Variants in ADPRH observed in about 807,000 individuals in gnomAD.
The protein encoded by ADPRH is ADP-ribose-L-arginine cleaving enzyme.
ADPRH carries 27 observed loss-of-function variants against 28.8 expected under a neutral mutation model. The ratio of observed to expected loss-of-function variants is 0.94; its 90% confidence interval spans 0.69 to 1.29. The LOEUF (loss-of-function observed/expected upper bound fraction) is 1.29. ADPRH is among the 50% of genes most tolerant of loss of function. ADPRH has a pLI of 0.00. For synonymous variants in ADPRH, 161 were observed against 166.9 expected (o/e 0.96, Z 0.27); for missense variants, 419 against 444.8 (o/e 0.94, Z 0.52).
chr3:119,583,754 A>T (rs1046199656), intron 3 of ADPRH, among the ~76,000 whole-genome samples: 8 of 151,880 alleles, frequency 5.3e-5, no homozygotes, highest in Non-Finnish European at 8.8e-5. Context: ...TTTAAAAAAA[A>T]TTTTTTTGAG....
Position 119,587,521 on chromosome 3 carries a change from A to C in ADPRH, c.717A>C (p.Gly239=), listed in dbSNP as rs570885201. ...TAAAACTTAGAGGGATTTTGGATGGAGAATCAGCCCCTACCTTCCCTGAGT... is the reference window on the plus strand; with the variant it reads ...TAAAACTTAGAGGGATTTTGGATGGCGAATCAGCCCCTACCTTCCCTGAGT... ...NYLKLRGILD[G]ESAPTFPESF... The change falls in exon 5 of 5, where the codon GGA becomes GGC. Residue 239 remains glycine, a synonymous_variant. Transcript: ENST00000357003. 8.8e-6 allele frequency: 14 copies of C among 1,593,838 alleles called. 1 individual carries two copies. In the East Asian group the frequency reaches 2.2e-4, roughly 26 times the overall value.
At chr3:119,587,188 G>A (rs2082470092) in intron 4 of ADPRH, among the ~76,000 whole-genome samples, 4 of 152,168 alleles carry the variant, frequency 2.6e-5, no homozygotes, top group African/African-American at 4.8e-5. Flanking sequence ...CCCTCCCAGG[G>A]AAAACAAACC....
intron 2 of ADPRH, among the ~76,000 whole-genome samples, chr3:119,581,064 C>CTTTTTT (rs71156755): frequency 1.7e-5 from 2 of 120,242 alleles, no homozygotes; most frequent in East Asian, 2.5e-4. Flanking sequence ...ACTCTAAGAA[C>CTTTTTT]TTTTTTTTTT....
rs534810621 is a variant in ADPRH at position 119,584,070 on chromosome 3, G to A, written c.298+1603G>A. Among the ~76,000 whole-genome samples the A allele has an allele frequency of 4.0e-5, 6 of 151,602 alleles. No homozygotes were observed. In the South Asian group the frequency reaches 1.2e-3, roughly 32 times the overall value. ...TGGGATTACAGGCATGAGCCACCAT[G>A]CCTGGCCAAAAAAAAACTTTTTTTT... On this transcript the variant is annotated intron_variant, in intron 3 of 4. Coordinates refer to ENST00000357003, the MANE Select transcript of ADPRH (RefSeq NM_001125.4).
Position 119,589,004 on chromosome 3 carries a change from A to G in ADPRH, c.*1126A>G, listed in dbSNP as rs1425970989. ...AAACTAATCATGTTCCAATGAATAC[A>G]TCACCTTTCTTCATTTCTTGATGCT... On this transcript the variant is annotated 3_prime_UTR_variant, in exon 5 of 5. Coordinates refer to ENST00000357003, the MANE Select transcript of ADPRH (RefSeq NM_001125.4). 2 of 151,420 alleles carry G rather than the reference A, an allele frequency of 1.3e-5. No homozygotes were observed. The highest frequency in any genetic ancestry group is 4.9e-5 in the African/African-American group (2 of 40,628). The allele number at this position is 151,420 out of a possible 1,614,324, so 9.4% of individuals were successfully genotyped here.
chr3:119,588,934 A>G lies in ADPRH; in HGVS notation c.*1056A>G, dbSNP rs2082490386. 6.6e-6 allele frequency: 1 copy of G among 152,232 alleles called. No individual in the cohort carries two copies. 9.4% of individuals were successfully genotyped at this position (152,232 alleles called of 1,614,324 possible). A position where few individuals can be genotyped will look rare whatever the true frequency, so the allele number is the denominator to read the frequency against. The stretch of plus-strand genomic sequence containing the variant: ...TAGCCTCCTAGCTCGTGCTTCCCTC[A>G]TTACCCTCCAGAGTTATGTTTACGA... On this transcript the variant is annotated 3_prime_UTR_variant, in exon 5 of 5. Coordinates refer to ENST00000357003, the MANE Select transcript of ADPRH (RefSeq NM_001125.4).
rs1360374905 is a variant in ADPRH at position 119,586,539 on chromosome 3, A to G, written c.553A>G (p.Ser185Gly). 1 of 1,614,220 alleles carries G rather than the reference A, an allele frequency of 6.2e-7. No individual in the cohort carries two copies. The highest frequency in any genetic ancestry group is 8.5e-7 in the Non-Finnish European group (1 of 1,180,032). ...TCTTTTTACAGCCTATGCTGTGAATAGCAGACCACCCTTGCAGTGGGGAAA... is the reference window on the plus strand; with the variant it reads ...TCTTTTTACAGCCTATGCTGTGAATGGCAGACCACCCTTGCAGTGGGGAAA... The part of the protein sequence containing the change: ...SALFTAYAVN[S>G]RPPLQWGKGL... The change falls in exon 4 of 5, where the codon AGC becomes GGC. Residue 185 changes from serine to glycine, a missense_variant. Transcript: ENST00000357003.
intron 3 of ADPRH, among the ~76,000 whole-genome samples, chr3:119,584,060 G>T (rs1464421694): frequency 1.3e-5 from 2 of 151,622 alleles, no homozygotes; most frequent in Non-Finnish European, 2.9e-5. Context: ...TTACAGGCAT[G>T]AGCCACCATG....
At chr3:119,581,557 C>G (rs2082405060) in intron 2 of ADPRH, among the ~76,000 whole-genome samples, 1 of 152,138 alleles carries the variant, frequency 6.6e-6, no homozygotes, top group African/African-American at 2.4e-5. Context: ...ATTTGGGTTC[C>G]AGTACTTCCA....
At chr3:119,587,352 G>A in intron 4 of ADPRH, 112 bp from the exon 5 acceptor site, 1 of 788,276 alleles carries the variant, frequency 1.3e-6, no homozygotes, top group South Asian at 2.8e-5. Context: ...ATTACTGCAA[G>A]AAGCCGAAGT....
chr3:119,582,511 A>G (rs1268686508), intron 3 of ADPRH, 44 bp downstream of exon 3: 1 of 1,568,358 alleles, frequency 6.4e-7, no homozygotes, highest in Non-Finnish European at 8.7e-7. Flanking sequence ...AAAGAATAAA[A>G]CAGCCTTGAG....
rs896516206 is a variant in ADPRH, at chr3:119,586,137, G to T, written c.299-148G>T. 5.2e-5 allele frequency: 61 copies of T among 1,164,220 alleles called. 1 individual carries two copies. The East Asian group carries it at 1.4e-3, about 27-fold the overall frequency. 72.1% of individuals were successfully genotyped at this position (1,164,220 alleles called of 1,614,324 possible). A position where few individuals can be genotyped will look rare whatever the true frequency, so the allele number is the denominator to read the frequency against. Reference sequence around the variant, plus strand: ...TAAAGAAAGGCACATTGTTGGGTGGGGTTTGGAGTTTTGGGGCATGCATCA... The same window carrying T: ...TAAAGAAAGGCACATTGTTGGGTGGTGTTTGGAGTTTTGGGGCATGCATCA... On this transcript the variant is annotated intron_variant, in intron 3 of 4. Coordinates refer to ENST00000357003, the MANE Select transcript of ADPRH (RefSeq NM_001125.4).
chr3:119,582,304 C>G lies in ADPRH; in HGVS notation c.135C>G (p.Ala45=). 6.2e-7 allele frequency: 1 copy of G among 1,614,134 alleles called. No individual in the cohort carries two copies. The highest frequency in any genetic ancestry group is 8.5e-7 in the Non-Finnish European group (1 of 1,180,028). The stretch of plus-strand genomic sequence containing the variant: ...TGGCCCAGCTGGGCGGCTTGGATGC[C>G]CTAGACGTGGGAAGGTGGAGAGTTA... The part of the protein sequence containing the change: ...RQLAQLGGLD[A]LDVGRWRVSD... The change falls in exon 3 of 5, where the codon GCC becomes GCG. Residue 45 remains alanine, a synonymous_variant. Coordinates refer to ENST00000357003, the MANE Select transcript of ADPRH (RefSeq NM_001125.4).
At chr3:119,582,029 TG>T (rs1479214748) in intron 2 of ADPRH, 104 bp from the exon 3 acceptor site, 1 of 841,376 alleles carries the variant, frequency 1.2e-6, no homozygotes, top group Non-Finnish European at 1.9e-6. Context: ...ACTGATACAA[TG>T]TCTGCAAGTA....
rs2082413795 is a variant in ADPRH, at chr3:119,582,361, A to G, written c.192A>G (p.Ala64=). ...SDDTVMHLAT[A]EALVEAGKAP... Reference sequence around the variant, plus strand: ...ACACAGTGATGCACTTGGCCACAGCAGAAGCTCTTGTGGAAGCTGGGAAAG... The same window carrying G: ...ACACAGTGATGCACTTGGCCACAGCGGAAGCTCTTGTGGAAGCTGGGAAAG... The change falls in exon 3 of 5, where the codon GCA becomes GCG. Residue 64 remains alanine, a synonymous_variant. Coordinates refer to ENST00000357003, the MANE Select transcript of ADPRH (RefSeq NM_001125.4). 3 of 1,614,256 alleles carry G rather than the reference A, an allele frequency of 1.9e-6. No homozygotes were observed. The African/African-American group carries it at 4.0e-5, about 22-fold the overall frequency.
In ADPRH at chr3:119,588,525, A is replaced by G. The variant is rs2107764936; in HGVS notation, c.*647A>G. 6.6e-6 allele frequency: 1 copy of G among 152,356 alleles called. No homozygotes were observed. The highest frequency in any genetic ancestry group is 1.5e-5 in the Non-Finnish European group (1 of 68,044). The allele number at this position is 152,356 out of a possible 1,614,324, so 9.4% of individuals were successfully genotyped here. On this transcript the variant is annotated 3_prime_UTR_variant, in exon 5 of 5. Transcript: ENST00000357003. ...TGGTAATTCTTGGCTTACCCTTTGT[A>G]CAAACCAAACCTTAGTGTCTTCAGG...
rs905521714 is a variant in ADPRH, at chr3:119,587,888, A to G, written c.*10A>G. On this transcript the variant is annotated 3_prime_UTR_variant, in exon 5 of 5. Transcript: ENST00000357003. Reference sequence around the variant, plus strand: ...TGTAATTTCCCTTTAGGGAGACGTGATGTTCACTTCTGATGGATTCTTCTT... The same window carrying G: ...TGTAATTTCCCTTTAGGGAGACGTGGTGTTCACTTCTGATGGATTCTTCTT... 3.2e-6 allele frequency: 5 copies of G among 1,568,028 alleles called. No homozygotes were observed. Among genetic ancestry groups the G allele is most frequent in the Admixed American group, 3.9e-5 (2 of 51,306 alleles).
chr3:119,584,292 G>A (rs1290281910), intron 3 of ADPRH, among the ~76,000 whole-genome samples: 1 of 151,966 alleles, frequency 6.6e-6, no homozygotes, highest in Non-Finnish European at 1.5e-5. Context: ...GCTAGGCATG[G>A]TGGCTCATGC....
chr3:119,582,104 T>A, intron 2 of ADPRH, 30 bp from the exon 3 acceptor site: 12 of 874,604 alleles, frequency 1.4e-5, no homozygotes, highest in African/African-American at 1.8e-5. Flanking sequence ...CTCCTCATCC[T>A]ATTTCCTTTG....
Sources: allele counts gnomAD v4.1 joint callset (sites outside exome capture counted in the v4.1 genomes callset), GRCh38; gene constraint gnomAD v4.1.1; transcripts MANE v1.5; gene names NCBI Gene and HGNC (gene_info 2026-07-23, HGNC 2026-07-21).